ZCRB1: variants seen among roughly 807,000 people sequenced by gnomAD.
ZCRB1 encodes zinc finger CCHC-type and RNA binding motif containing 1.
A neutral mutation model predicts 29.9 loss-of-function variants in ZCRB1; 21 were observed. The observed-to-expected ratio is 0.70, with a 90% CI of 0.50 to 1.01. ZCRB1 has a LOEUF of 1.01. Ranked by LOEUF, ZCRB1 falls within the 50% of genes least tolerant of loss-of-function variation. The probability of loss-of-function intolerance (pLI) is 0.00; values close to 1 mark genes in which losing one functional copy is unlikely to be tolerated. For synonymous variants in ZCRB1, 77 were observed against 80.0 expected, an observed-to-expected ratio of 0.96 and a Z score of 0.20; for missense variants, 204 against 253.3, an observed-to-expected ratio of 0.81 and a Z score of 1.32.
intron 2 of ZCRB1, among the ~76,000 whole-genome samples, chr12:42,322,905 GCTTT>G (rs1475496660): frequency 2.0e-5 from 3 of 152,078 alleles, no homozygotes; most frequent in African/African-American, 4.8e-5. Context: ...TCCTTAGACT[GCTTT>G]ATTTAAAAAA....
chr12:42,321,690 A>G (rs2068622454), intron 3 of ZCRB1, among the ~76,000 whole-genome samples: 1 of 152,250 alleles, frequency 6.6e-6, no homozygotes, highest in Non-Finnish European at 1.5e-5. Context: ...CATTTATGGA[A>G]CACTAGAAGA....
At chr12:42,319,442 C>A (rs150560569) in intron 3 of ZCRB1, among the ~76,000 whole-genome samples, 7 of 152,294 alleles carry the variant, frequency 4.6e-5, no homozygotes, top group African/African-American at 7.2e-5. Flanking sequence ...CCATCTCCTT[C>A]ATCTTTCACT....
At chr12:42,324,217 C>T (rs3747559) in intron 1 of ZCRB1, 113 bp from the exon 2 acceptor site, 179 of 848,486 alleles carry the variant, frequency 2.1e-4, no homozygotes, top group Middle Eastern at 6.9e-4. Context: ...GGCGTGATCT[C>T]GGCTCACTGC....
chr12:42,322,916 A>G (rs886380067), intron 2 of ZCRB1, among the ~76,000 whole-genome samples: 3 of 152,218 alleles, frequency 2.0e-5, no homozygotes, highest in African/African-American at 7.2e-5. Flanking sequence ...CTTTATTTAA[A>G]AAACAAAACA....
chr12:42,324,209 CGT>C, intron 1 of ZCRB1, 105 bp from the exon 2 acceptor site: 1 of 1,015,792 alleles, frequency 9.8e-7, no homozygotes, highest in Non-Finnish European at 1.5e-6. Flanking sequence ...GGTGCAATGG[CGT>C]GATCTCGGCT....
chr12:42,317,778 A>C lies in ZCRB1; in HGVS notation c.225+9T>G. ...GGGCTAAAAACCTTGATGGAGATGA[A>C]TAGCTTACCTGTTTGTTGTTTATTG... On this transcript the variant is annotated intron_variant, in intron 4 of 7. Transcript: ENST00000266529. 6.2e-7 allele frequency: 1 copy of C among 1,610,450 alleles called. No individual in the cohort carries two copies. Among genetic ancestry groups the C allele is most frequent in the Non-Finnish European group, 8.5e-7 (1 of 1,178,762 alleles).
rs928149169 is a variant in ZCRB1 at position 42,312,485 on chromosome 12, G to C, written c.*582C>G. The C allele has an allele frequency of 6.6e-6, 1 of 152,170 alleles. No individual in the cohort carries two copies. The highest frequency in any genetic ancestry group is 1.5e-5 in the Non-Finnish European group (1 of 68,014). 9.4% of individuals were successfully genotyped at this position (152,170 alleles called of 1,614,324 possible). A position where few individuals can be genotyped will look rare whatever the true frequency, so the allele number is the denominator to read the frequency against. ...ATTGGGAATATTGAGGAAGGTAGGA[G>C]AAGTATAAGAGATTGAATAATTCTC... is the stretch of plus-strand genomic sequence containing the variant. On this transcript the variant is annotated 3_prime_UTR_variant, in exon 8 of 8. Transcript: ENST00000266529.
At chr12:42,319,885 G>T (rs1035407228) in intron 3 of ZCRB1, among the ~76,000 whole-genome samples, 1 of 152,158 alleles carries the variant, frequency 6.6e-6, no homozygotes, top group African/African-American at 2.4e-5. Flanking sequence ...CATTCATTCG[G>T]TCACTCAGTC....
At chr12:42,323,517 C>T (rs907673943) in intron 2 of ZCRB1, among the ~76,000 whole-genome samples, 1 of 152,166 alleles carries the variant, frequency 6.6e-6, no homozygotes, top group Non-Finnish European at 1.5e-5. Flanking sequence ...ACTTAACGTT[C>T]AATAGCCCAC....
At chr12:42,322,544 T>C in intron 2 of ZCRB1, 98 bp from the exon 3 acceptor site, 4 of 1,253,850 alleles carry the variant, frequency 3.2e-6, no homozygotes, top group South Asian at 1.6e-5. Flanking sequence ...TTACAGTTTA[T>C]GAATAATTTC....
chr12:42,323,032 C>T (rs2068629271), intron 2 of ZCRB1, among the ~76,000 whole-genome samples: 1 of 152,186 alleles, frequency 6.6e-6, no homozygotes, highest in Admixed American at 6.5e-5. Flanking sequence ...GCTCTCTCTT[C>T]TGTTACTTTT....
intron 5 of ZCRB1, among the ~76,000 whole-genome samples, chr12:42,316,488 A>G (rs1185414136): frequency 6.6e-6 from 1 of 151,896 alleles, no homozygotes; most frequent in East Asian, 1.9e-4. Context: ...CAGACCTTAT[A>G]CAAAATTATT....
chr12:42,313,965 C>T lies in ZCRB1; in HGVS notation c.355G>A (p.Ala119Thr), dbSNP rs1455728140. Residue 119 changes from alanine to threonine, a missense_variant, in exon 6 of 8, where the codon GCC becomes ACC. Physicochemically the swap from Ala to Thr is moderately conservative, Grantham distance 58 (BLOSUM62 0). Transcript: ENST00000266529. ...ECGESGHLSYACPKNMLGERE... is the reference protein window; with the variant it reads ...ECGESGHLSYTCPKNMLGERE... The stretch of plus-strand genomic sequence containing the variant: ...TCTCCGAGCATATTTTTCGGACAGG[C>T]ATAACTTAAGTGTCCACTTTCCTTT... 2 of 1,598,914 alleles carry T rather than the reference C, an allele frequency of 1.3e-6. No individual in the cohort carries two copies. The highest frequency in any genetic ancestry group is 1.8e-5 in the Admixed American group (1 of 56,424).
intron 7 of ZCRB1, 149 bp from the exon 8 acceptor site, chr12:42,313,347 G>T: frequency 1.2e-6 from 1 of 862,036 alleles, no homozygotes; most frequent in Non-Finnish European, 1.7e-6. Context: ...CCCTTCCCCT[G>T]AGTTCTGTCT....
At chr12:42,323,764 T>C in intron 2 of ZCRB1, 1 of 457,310 alleles carries the variant, frequency 2.2e-6, no homozygotes, top group Non-Finnish European at 3.9e-6. Context: ...CCCAGGTAGC[T>C]TGTAGAGGCA....
At chr12:42,317,754 G>T (rs2068601592) in intron 4 of ZCRB1, 33 bp downstream of exon 4, 2 of 1,596,380 alleles carry the variant, frequency 1.3e-6, no homozygotes, top group Non-Finnish European at 1.7e-6. Flanking sequence ...AAGGCTTTGG[G>T]GCTAAAAACC....
rs767826976 is a variant in ZCRB1, at chr12:42,317,912, CAA to C, written c.114-16_114-15del. Reference sequence around the variant, plus strand: ...ATGATGGTAACCCTTAAAGCATAAACAAAGAGTTAAAAATGAGGCAGCAATAA... The same window carrying C: ...ATGATGGTAACCCTTAAAGCATAAACAGAGTTAAAAATGAGGCAGCAATAA... On this transcript the variant is annotated splice_polypyrimidine_tract_variant and intron_variant, in intron 3 of 7. Coordinates refer to ENST00000266529, the MANE Select transcript of ZCRB1 (RefSeq NM_033114.4). 14 of 1,592,806 alleles carry C rather than the reference CAA, an allele frequency of 8.8e-6. No individual in the cohort carries two copies. In the African/African-American group the frequency reaches 1.9e-4, roughly 22 times the overall value.
At chr12:42,316,581 G>A (rs911176018) in intron 5 of ZCRB1, among the ~76,000 whole-genome samples, 10 of 152,032 alleles carry the variant, frequency 6.6e-5, no homozygotes, top group African/African-American at 2.4e-4. Flanking sequence ...AGAAAATGTG[G>A]GGATAGTTCA....
intron 3 of ZCRB1, among the ~76,000 whole-genome samples, chr12:42,318,478 C>A (rs1238159112): frequency 6.6e-6 from 1 of 152,062 alleles, no homozygotes; most frequent in Admixed American, 6.5e-5. Flanking sequence ...GAAAAAGAAT[C>A]TCCAGTTCTG....
Sources: gnomAD v4.1 joint callset for allele counts (sites outside exome capture counted in the v4.1 genomes callset) on GRCh38, gnomAD v4.1.1 for gene constraint, MANE v1.5 for transcripts, NCBI Gene and HGNC (gene_info 2026-07-23, HGNC 2026-07-21) for gene names.